Variants in DNAAF5 observed in about 807,000 individuals in gnomAD.
The protein encoded by DNAAF5 is dynein axonemal assembly factor 5.
DNAAF5 carries 64 observed loss-of-function variants against 75.8 expected under a neutral mutation model. The ratio of observed to expected loss-of-function variants is 0.84; its 90% CI spans 0.69 to 1.04. DNAAF5 has a LOEUF of 1.04. Among genes scored for constraint, DNAAF5 ranks in the 50% least tolerant of loss-of-function variants. The probability of loss-of-function intolerance (pLI) is 0.00; values close to 1 mark genes in which losing one functional copy is unlikely to be tolerated. For synonymous variants in DNAAF5, 657 were observed against 557.2 expected (o/e 1.18, Z -2.52); for missense variants, 1,269 against 1,178.5 (o/e 1.08, Z -1.12).
chr7:776,863 C>A (rs1247973353), intron 11 of DNAAF5, among the ~76,000 whole-genome samples: 1 of 152,174 alleles, frequency 6.6e-6, no homozygotes, highest in African/African-American at 2.4e-5. Flanking sequence ...GGTGGGCAAG[C>A]GAAACTTCAT....
intron 2 of DNAAF5, among the ~76,000 whole-genome samples, chr7:739,590 C>T (rs966472929): frequency 3.3e-5 from 5 of 152,238 alleles, no homozygotes; most frequent in South Asian, 2.1e-4. Flanking sequence ...CCCTGCTGCT[C>T]GCACGCCGAG....
At chr7:732,565 A>G (rs1044108603) in intron 2 of DNAAF5, 2 of 456,106 alleles carry the variant, frequency 4.4e-6, no homozygotes, top group South Asian at 3.1e-5. Context: ...GAGACTGGGG[A>G]TGCATGGACA....
At chr7:784,564 G>A (rs1481002790) in intron 12 of DNAAF5, among the ~76,000 whole-genome samples, 1 of 152,046 alleles carries the variant, frequency 6.6e-6, no homozygotes, top group Non-Finnish European at 1.5e-5. Context: ...CACCCCTGCA[G>A]CTCCCACTGC....
Position 727,170 on chromosome 7 carries a change from C to A in DNAAF5, c.450C>A (p.Gly150=). 7.6e-7 allele frequency: 1 copy of A among 1,319,554 alleles called. No homozygotes were observed. The highest frequency in any genetic ancestry group is 9.7e-7 in the Non-Finnish European group (1 of 1,029,854). 81.7% of individuals were successfully genotyped at this position (1,319,554 alleles called of 1,614,324 possible). The change falls in exon 1 of 13, where the codon GGC becomes GGA. Residue 150 remains glycine (G), a synonymous_variant. Transcript: ENST00000297440. ...GCCTGGCGCTTGTGCAGCTGCTGGGCCTGGCCGTGGACCTGTGCGGCGCCG... is the reference window on the plus strand; with the variant it reads ...GCCTGGCGCTTGTGCAGCTGCTGGGACTGGCCGTGGACCTGTGCGGCGCCG... ...ELRLALVQLL[G]LAVDLCGAAL... is the part of the protein sequence containing the mutation.
intron 12 of DNAAF5, among the ~76,000 whole-genome samples, chr7:782,201 A>T (rs984874345): frequency 6.7e-6 from 1 of 150,162 alleles, no homozygotes; most frequent in East Asian, 2.0e-4. Context: ...AGAAACTCGG[A>T]TCTTCCTGGC....
chr7:738,001 T>C (rs1009503778), intron 2 of DNAAF5, among the ~76,000 whole-genome samples: 5 of 152,232 alleles, frequency 3.3e-5, no homozygotes, highest in African/African-American at 1.2e-4. Context: ...TGAGTAAACT[T>C]TCTACCCCGA....
At chr7:780,579 C>G (rs930146000) in intron 12 of DNAAF5, among the ~76,000 whole-genome samples, 15 of 152,200 alleles carry the variant, frequency 9.9e-5, no homozygotes, top group Admixed American at 2.0e-4. Flanking sequence ...GGCTGAAATA[C>G]GTGGAAAATA....
At chr7:747,022 C>T (rs1308083489) in intron 4 of DNAAF5, among the ~76,000 whole-genome samples, 1 of 152,254 alleles carries the variant, frequency 6.6e-6, no homozygotes. Flanking sequence ...GATGGACCAT[C>T]TGGTCACCAG....
At chr7:783,128 C>T (rs969546040) in intron 12 of DNAAF5, among the ~76,000 whole-genome samples, 3 of 152,242 alleles carry the variant, frequency 2.0e-5, no homozygotes, top group Admixed American at 2.0e-4. Context: ...GAGTGAGGGA[C>T]TTGGGCCGTT....
intron 2 of DNAAF5, among the ~76,000 whole-genome samples, chr7:738,364 T>G (rs1171066286): frequency 6.6e-6 from 1 of 152,188 alleles, no homozygotes; most frequent in East Asian, 1.9e-4. Context: ...ATAGCTATTT[T>G]GAGTTTTCTG....
intron 6 of DNAAF5, among the ~76,000 whole-genome samples, chr7:757,312 A>G (rs371290962): frequency 1.9e-5 from 1 of 51,916 alleles, no homozygotes; most frequent in African/African-American, 7.0e-5. Context: ...TCTTGGCCAC[A>G]CACCACAGTT....
At position 726,857 on chromosome 7, in the gene DNAAF5, G is replaced by GGCGGCGCGCCTTGGAGGCCCT; in HGVS notation, c.147_167dup (p.Ala52_Glu58dup). The stretch of plus-strand genomic sequence containing the variant: ...CTGGAGGCCGACAGCAAGCCGGGCC[G>GGCGGCGCGCCTTGGAGGCCCT]GCGGCGCGCCTTGGAGGCCCTGCGG... On this transcript the variant is annotated inframe_insertion, in exon 1 of 13. Transcript: ENST00000297440. 7.6e-7 allele frequency: 1 copy of GGCGGCGCGCCTTGGAGGCCCT among 1,318,506 alleles called. No individual in the cohort carries two copies. The highest frequency in any genetic ancestry group is 9.6e-7 in the Non-Finnish European group (1 of 1,037,150). The allele number at this position is 1,318,506 out of a possible 1,614,324, so 81.7% of individuals were successfully genotyped here.
chr7:730,266 A>G (rs182498274), intron 2 of DNAAF5, among the ~76,000 whole-genome samples: 4 of 152,214 alleles, frequency 2.6e-5, no homozygotes, highest in Non-Finnish European at 4.4e-5. Context: ...GAACCCACCA[A>G]GAGACGGGCA....
chr7:739,107 TCAC>T, intron 2 of DNAAF5, among the ~76,000 whole-genome samples: 1 of 54,030 alleles, frequency 1.9e-5, no homozygotes, highest in African/African-American at 5.7e-5. Context: ...CTCTGCCCCA[TCAC>T]TGTATACCTG....
chr7:764,704 T>C (rs1562392457), intron 8 of DNAAF5, among the ~76,000 whole-genome samples: 1 of 152,228 alleles, frequency 6.6e-6, no homozygotes, highest in Admixed American at 6.5e-5. Flanking sequence ...ACTCACCTTT[T>C]TTTTCCTGAG....
intron 7 of DNAAF5, among the ~76,000 whole-genome samples, chr7:763,171 G>A (rs766703164): frequency 8.9e-4 from 136 of 152,176 alleles, no homozygotes; most frequent in Non-Finnish European, 1.5e-3. Flanking sequence ...CAAGGGGCGT[G>A]TGTCTCAGCA....
chr7:735,793 T>A (rs1487454391), intron 2 of DNAAF5, among the ~76,000 whole-genome samples: 5 of 152,184 alleles, frequency 3.3e-5, no homozygotes, highest in African/African-American at 1.2e-4. Flanking sequence ...TTATTTCTGC[T>A]CTTATTTCTT....
chr7:767,693 GGA>G (rs1214738322), intron 8 of DNAAF5, among the ~76,000 whole-genome samples: 11 of 152,254 alleles, frequency 7.2e-5, no homozygotes, highest in Non-Finnish European at 2.9e-5. Context: ...CACTGGGAGG[GGA>G]GACACGTGAT....
intron 2 of DNAAF5, chr7:732,632 A>G (rs751043745): frequency 3.5e-5 from 16 of 456,092 alleles, no homozygotes; most frequent in South Asian, 2.3e-4. Context: ...TGCCATTTGT[A>G]TGCCTTCTTT....
Sources: gnomAD v4.1 joint callset for allele counts (sites outside exome capture counted in the v4.1 genomes callset) on GRCh38, gnomAD v4.1.1 for gene constraint, MANE v1.5 for transcripts, NCBI Gene and HGNC (gene_info 2026-07-23, HGNC 2026-07-21) for gene names.